The following PHF14 variants were observed in gnomAD, a reference collection of about 807,000 sequenced individuals.
PHF14 encodes the protein PHD finger protein 14.
In PHF14, 55 loss-of-function variants were observed where a neutral mutation model predicts 117.9. That is an observed-to-expected ratio of 0.47 (90% CI 0.38 to 0.58). The LOEUF is 0.58. Among genes scored for constraint, PHF14 ranks in the 20% least tolerant of loss-of-function variants. The pLI is 0.00. For synonymous variants in PHF14, 409 were observed against 368.6 expected, an observed-to-expected ratio of 1.11 and a Z score of -1.26; for missense variants, 978 against 1,122.2, an observed-to-expected ratio of 0.87 and a Z score of 1.84.
intron 13 of PHF14, 131 bp from the exon 14 acceptor site, chr7:11,051,481 C>G (rs373433324): frequency 1.5e-5 from 10 of 676,110 alleles, no homozygotes; most frequent in South Asian, 2.6e-5. Context: ...ATTATGTACC[C>G]TATAATCACA....
chr7:11,121,560 C>A (rs147731600), intron 17 of PHF14, among the ~76,000 whole-genome samples: 1 of 152,152 alleles, frequency 6.6e-6, no homozygotes, highest in East Asian at 1.9e-4. Flanking sequence ...AAGGAAATAT[C>A]TTATGGCTTC....
chr7:11,102,016 T>C (rs538365500), intron 16 of PHF14, among the ~76,000 whole-genome samples: 1 of 151,930 alleles, frequency 6.6e-6, no homozygotes, highest in East Asian at 1.9e-4. Context: ...AGTCTCTGTA[T>C]TTGAGTATAA....
chr7:11,123,046 G>C (rs865966927), intron 17 of PHF14, among the ~76,000 whole-genome samples: 1 of 152,076 alleles, frequency 6.6e-6, no homozygotes, highest in African/African-American at 2.4e-5. Context: ...CTTCTCTCCT[G>C]CGTTTGCCTT....
intron 17 of PHF14, among the ~76,000 whole-genome samples, chr7:11,136,208 C>T (rs1416710679): frequency 3.9e-5 from 6 of 152,076 alleles, no homozygotes; most frequent in African/African-American, 9.7e-5. Context: ...TTGTGACTTC[C>T]GCAGTGCCAA....
intron 14 of PHF14, among the ~76,000 whole-genome samples, chr7:11,055,103 C>T (rs1039083267): frequency 6.6e-6 from 1 of 152,058 alleles, no homozygotes; most frequent in Admixed American, 6.6e-5. Context: ...TAAAGGCAGC[C>T]TGAGATAGTT....
At chr7:11,013,666 TGCTATTC>T in intron 4 of PHF14, 74 bp from the exon 5 acceptor site, 1 of 694,064 alleles carries the variant, frequency 1.4e-6, no homozygotes, top group Non-Finnish European at 2.3e-6. Flanking sequence ...CTCATCTCTT[TGCTATTC>T]TTTTTCTTTT....
chr7:11,168,910 T>G (rs924979597), intron 17 of PHF14, among the ~76,000 whole-genome samples: 4 of 152,086 alleles, frequency 2.6e-5, no homozygotes, highest in Admixed American at 2.6e-4. Context: ...GAATTGAAAC[T>G]GTAGAAGATT....
intron 17 of PHF14, among the ~76,000 whole-genome samples, chr7:11,129,573 C>G (rs1381340236): frequency 7.7e-6 from 1 of 129,680 alleles, no homozygotes; most frequent in Non-Finnish European, 1.6e-5. Flanking sequence ...TTTGCCTTTA[C>G]ATAAAATTTA....
chr7:11,089,973 G>T (rs1288839460), intron 16 of PHF14, among the ~76,000 whole-genome samples: 1 of 152,102 alleles, frequency 6.6e-6, no homozygotes, highest in African/African-American at 2.4e-5. Flanking sequence ...GTTTCTCCAT[G>T]TTGGTCAGGC....
Position 11,111,381 on chromosome 7 carries a change from G to GGCT in PHF14, c.2688_2690dup (p.Cys897dup). Reference sequence around the variant, plus strand: ...TGAATGCAGACTCTGCTACCATTTTGGCTGTTTGGATCCTCCTTTGAAAAA... The same window carrying GGCT: ...TGAATGCAGACTCTGCTACCATTTTGGCTGCTGTTTGGATCCTCCTTTGAAAAA... On this transcript the variant is annotated inframe_insertion, in exon 17 of 18. Coordinates refer to ENST00000634607, the MANE Select transcript of PHF14 (RefSeq NM_001007157.2). 1.2e-6 allele frequency: 2 copies of GGCT among 1,605,296 alleles called. No individual in the cohort carries two copies. The highest frequency in any genetic ancestry group is 8.5e-7 in the Non-Finnish European group (1 of 1,174,042).
chr7:11,017,833 A>C (rs757576239), intron 5 of PHF14, among the ~76,000 whole-genome samples: 1 of 152,086 alleles, frequency 6.6e-6, no homozygotes, highest in Admixed American at 6.6e-5. Context: ...CGCTCAAGAA[A>C]TTTTACCCAG....
chr7:11,055,330 T>G (rs1324314838), intron 14 of PHF14, among the ~76,000 whole-genome samples: 1 of 152,200 alleles, frequency 6.6e-6, no homozygotes, highest in East Asian at 1.9e-4. Flanking sequence ...CTTTTTGCTT[T>G]CTTTGCACTC....
At chr7:11,042,471 C>G (rs1446784323) in intron 12 of PHF14, among the ~76,000 whole-genome samples, 1 of 151,804 alleles carries the variant, frequency 6.6e-6, no homozygotes, top group Non-Finnish European at 1.5e-5. Flanking sequence ...TTTACCAGAT[C>G]CAAGCTATTT....
intron 16 of PHF14, among the ~76,000 whole-genome samples, chr7:11,072,226 CA>C (rs1785636206): frequency 6.6e-6 from 1 of 152,002 alleles, no homozygotes; most frequent in South Asian, 2.1e-4. Flanking sequence ...TGGCAGGGGC[CA>C]GGGGCAAAGA....
chr7:11,115,922 T>C (rs938905129), intron 17 of PHF14, among the ~76,000 whole-genome samples: 2 of 152,020 alleles, frequency 1.3e-5, no homozygotes, highest in Non-Finnish European at 2.9e-5. Flanking sequence ...ATACCACAGA[T>C]GTGATGCTGT....
intron 2 of PHF14, among the ~76,000 whole-genome samples, chr7:10,977,147 A>G (rs539737188): frequency 5.3e-5 from 8 of 152,166 alleles, no homozygotes; most frequent in East Asian, 1.9e-4. Context: ...CTTGTAGAGA[A>G]TAAGACATTA....
chr7:11,161,896 A>G (rs573471726), intron 17 of PHF14, among the ~76,000 whole-genome samples: 6 of 150,466 alleles, frequency 4.0e-5, no homozygotes, highest in Admixed American at 3.3e-4. Flanking sequence ...CATACACTTC[A>G]TGCGTATTTC....
chr7:11,111,429 G>T lies in PHF14; in HGVS notation c.2734G>T (p.Gly912Ter), dbSNP rs373802740. The T allele has an allele frequency of 1.2e-6, 2 of 1,602,750 alleles. No homozygotes were observed. Among genetic ancestry groups the T allele is most frequent in the Non-Finnish European group, 1.7e-6 (2 of 1,171,774 alleles). Residue 912 changes from glycine (G) to a stop codon, truncating the protein, a stop_gained, in exon 17 of 18, where the codon GGA becomes TGA. Transcript: ENST00000634607. LOFTEE classifies it high-confidence loss of function. ...LKKSPKQTGY[G>*]WICQECDSSS... ...AAAGTCTCCTAAACAGACAGGCTACGGATGGATATGTCAGGAATGTGATTC... is the reference window on the plus strand; with the variant it reads ...AAAGTCTCCTAAACAGACAGGCTACTGATGGATATGTCAGGAATGTGATTC...
At chr7:11,028,649 G>A in intron 6 of PHF14, 32 bp from the exon 7 acceptor site, 1 of 1,609,140 alleles carries the variant, frequency 6.2e-7, no homozygotes, top group Non-Finnish European at 8.5e-7. Flanking sequence ...AAATAAGTTT[G>A]CTTTGAGAAT....
Sources: allele counts gnomAD v4.1 joint callset (sites outside exome capture counted in the v4.1 genomes callset), GRCh38; gene constraint gnomAD v4.1.1; transcripts MANE v1.5; gene names NCBI Gene and HGNC (gene_info 2026-07-23, HGNC 2026-07-21).